Variants in ZNF787 observed in about 807,000 individuals in gnomAD.
ZNF787 encodes the protein TTF-I-interacting peptide 20.
ZNF787 carries 7 observed loss-of-function variants against 16.9 expected under a neutral mutation model. The ratio of observed to expected loss-of-function variants is 0.42; its 90% confidence interval spans 0.24 to 0.78. ZNF787 has a LOEUF of 0.78. ZNF787 is among the 30% of genes least tolerant of loss of function. The probability of loss-of-function intolerance (pLI) is 0.30; values close to 1 mark genes in which losing one functional copy is unlikely to be tolerated. For synonymous variants in ZNF787, 345 were observed against 270.9 expected (o/e 1.27, Z -2.69); for missense variants, 551 against 589.3 (o/e 0.94, Z 0.67).
At chr19:56,109,753 G>A (rs1265176659) in intron 1 of ZNF787, among the ~76,000 whole-genome samples, 2 of 152,076 alleles carry the variant, frequency 1.3e-5, no homozygotes, top group Non-Finnish European at 2.9e-5. Context: ...GAGTGGTGGC[G>A]GGCGCCTGTA....
chr19:56,120,853 C>T (rs1421657757), intron 1 of ZNF787, among the ~76,000 whole-genome samples: 2 of 145,878 alleles, frequency 1.4e-5, no homozygotes, highest in African/African-American at 5.0e-5. Flanking sequence ...GAGGCCCCCG[C>T]TCCTGCCCCC....
intron 2 of ZNF787, among the ~76,000 whole-genome samples, chr19:56,091,737 G>A (rs2123391013): frequency 6.6e-6 from 1 of 152,320 alleles, no homozygotes; most frequent in Middle Eastern, 3.4e-3. Context: ...TACTTAAAAG[G>A]CAGGGCTCTT....
intron 1 of ZNF787, among the ~76,000 whole-genome samples, chr19:56,115,997 C>T (rs540429733): frequency 8.5e-5 from 13 of 152,200 alleles, no homozygotes; most frequent in African/African-American, 2.7e-4. Context: ...ATCAGGTGTC[C>T]GTGTAGGTTC....
chr19:56,101,542 G>A (rs1043092448), intron 2 of ZNF787: 13 of 152,284 alleles, frequency 8.5e-5, no homozygotes, highest in African/African-American at 3.1e-4. Context: ...GCATTTTGGA[G>A]ACAACGAAGT....
chr19:56,093,239 G>A (rs1300025346), intron 2 of ZNF787, among the ~76,000 whole-genome samples: 1 of 151,132 alleles, frequency 6.6e-6, no homozygotes, highest in Non-Finnish European at 1.5e-5. Flanking sequence ...CATAGACACA[G>A]GGGATGACAG....
At chr19:56,120,672 G>A (rs1302013704) in intron 1 of ZNF787, among the ~76,000 whole-genome samples, 1 of 151,876 alleles carries the variant, frequency 6.6e-6, no homozygotes, top group Non-Finnish European at 1.5e-5. Flanking sequence ...CGTGCCCTCG[G>A]GGCCGCGGTA....
intron 1 of ZNF787, among the ~76,000 whole-genome samples, chr19:56,105,063 G>C (rs1599951449): frequency 6.6e-6 from 1 of 152,106 alleles, no homozygotes; most frequent in African/African-American, 2.4e-5. Context: ...AGGAGGCAGA[G>C]GTTGCAGTGA....
At chr19:56,107,875 GAA>G (rs1216643018) in intron 1 of ZNF787, among the ~76,000 whole-genome samples, 2 of 149,246 alleles carry the variant, frequency 1.3e-5, no homozygotes, top group Non-Finnish European at 2.9e-5. Context: ...GGGGGCTGCG[GAA>G]GAGAGAGCTT....
At chr19:56,110,708 TC>T (rs1372766021) in intron 1 of ZNF787, among the ~76,000 whole-genome samples, 1 of 152,190 alleles carries the variant, frequency 6.6e-6, no homozygotes, top group East Asian at 1.9e-4. Flanking sequence ...CTCAGAGCCT[TC>T]CCCTGGCCTC....
intron 1 of ZNF787, among the ~76,000 whole-genome samples, chr19:56,117,653 G>A (rs2030176869): frequency 6.6e-6 from 1 of 152,254 alleles, no homozygotes; most frequent in Admixed American, 6.5e-5. Flanking sequence ...GTCCACCATT[G>A]AGGATGGTCC....
Position 56,112,252 on chromosome 19 carries a change from C to T in ZNF787, c.-11+8920G>A, listed in dbSNP as rs144315084. Among the ~76,000 whole-genome samples, 50 of 152,258 alleles carry T rather than the reference C, an allele frequency of 3.3e-4. No homozygotes were observed. The East Asian group carries it at 8.9e-3, about 27-fold the overall frequency. Reference sequence around the variant, plus strand: ...AACCCTGGGCTATTCAAGGAATCTACCAGAAAGCTGGGAATTGCACATCTT... The same window carrying T: ...AACCCTGGGCTATTCAAGGAATCTATCAGAAAGCTGGGAATTGCACATCTT... On this transcript the variant is annotated intron_variant, in intron 1 of 2. Coordinates refer to ENST00000610935, the MANE Select transcript of ZNF787 (RefSeq NM_001002836.4).
At chr19:56,120,713 C>A (rs576996821) in intron 1 of ZNF787, among the ~76,000 whole-genome samples, 1 of 152,082 alleles carries the variant, frequency 6.6e-6, no homozygotes, top group Admixed American at 6.5e-5. Context: ...CGCGCGGCCC[C>A]TTCCCCCACC....
intron 2 of ZNF787, among the ~76,000 whole-genome samples, chr19:56,094,838 C>T (rs2123397105): frequency 6.6e-6 from 1 of 152,224 alleles, no homozygotes; most frequent in South Asian, 2.1e-4. Flanking sequence ...GGACCAGGCT[C>T]AGTGGCTCAC....
chr19:56,106,290 C>T (rs1006335831), intron 1 of ZNF787, among the ~76,000 whole-genome samples: 2 of 152,242 alleles, frequency 1.3e-5, no homozygotes, highest in Non-Finnish European at 1.5e-5. Flanking sequence ...GGGCTGAACC[C>T]CACTCCACTG....
chr19:56,104,586 G>A (rs1329148233), intron 1 of ZNF787, among the ~76,000 whole-genome samples: 2 of 151,646 alleles, frequency 1.3e-5, no homozygotes, highest in Middle Eastern at 3.4e-3. Flanking sequence ...CCCGTGCCAC[G>A]TACCATGAGG....
At chr19:56,099,591 A>G (rs7253923) in intron 2 of ZNF787, among the ~76,000 whole-genome samples, 1 of 151,340 alleles carries the variant, frequency 6.6e-6, no homozygotes, top group Non-Finnish European at 1.5e-5. Context: ...GGTGCCTGTA[A>G]TCCCAGCTAT....
chr19:56,108,789 G>A (rs573705902), intron 1 of ZNF787, among the ~76,000 whole-genome samples: 1 of 152,164 alleles, frequency 6.6e-6, no homozygotes, highest in Non-Finnish European at 1.5e-5. Context: ...AGGACAGGCA[G>A]ACCTCCCCTC....
Position 56,103,203 on chromosome 19 carries a change from T to C in ZNF787, c.15A>G (p.Glu5=). 1 of 1,561,816 alleles carries C rather than the reference T, an allele frequency of 6.4e-7. No homozygotes were observed. Among genetic ancestry groups the C allele is most frequent in the Non-Finnish European group, 8.7e-7 (1 of 1,153,550 alleles). MELR[E]EAWSPGPLDS... The stretch of plus-strand genomic sequence containing the variant: ...CCAGCGGCCCCGGAGACCAGGCTTC[T>C]TCCCGCAGCTCCATGTCTGGGTCCC... The change falls in exon 2 of 3, where the codon GAA becomes GAG. Residue 5 remains glutamate (E), a synonymous_variant. Coordinates refer to ENST00000610935, the MANE Select transcript of ZNF787 (RefSeq NM_001002836.4).
intron 1 of ZNF787, among the ~76,000 whole-genome samples, chr19:56,117,911 G>A (rs886832374): frequency 5.9e-5 from 9 of 152,208 alleles, no homozygotes; most frequent in African/African-American, 1.9e-4. Flanking sequence ...GCAAGGCCTC[G>A]AAACAGGGGG....
Sources: gnomAD v4.1 joint callset for allele counts (sites outside exome capture counted in the v4.1 genomes callset) on GRCh38, gnomAD v4.1.1 for gene constraint, MANE v1.5 for transcripts, NCBI Gene and HGNC (gene_info 2026-07-23, HGNC 2026-07-21) for gene names.